RIMS2: variants seen among roughly 807,000 people sequenced by gnomAD.
The protein encoded by RIMS2 is regulating synaptic membrane exocytosis 2, also known as regulating synaptic membrane exocytosis protein 2.
Under a neutral mutation model 174.4 loss-of-function variants are expected in RIMS2, and 59 were observed. The observed-to-expected ratio is 0.34, with a 90% CI of 0.27 to 0.42. RIMS2 has a LOEUF of 0.42. RIMS2 is among the 10% of genes least tolerant of loss of function. The probability of loss-of-function intolerance (pLI) is 1.00; values close to 1 mark genes in which losing one functional copy is unlikely to be tolerated. For missense variants in RIMS2, 1,620 were observed against 1,666.3 expected, an observed-to-expected ratio of 0.97 and a Z score of 0.48; for synonymous variants, 606 against 572.5, an observed-to-expected ratio of 1.06 and a Z score of -0.84.
chr8:104,150,909 C>T (rs1011728407), intron 19 of RIMS2, among the ~76,000 whole-genome samples: 3 of 152,120 alleles, frequency 2.0e-5, no homozygotes, highest in Non-Finnish European at 4.4e-5. Flanking sequence ...TATCATTTGC[C>T]AGGGACTATC....
intron 3 of RIMS2, among the ~76,000 whole-genome samples, chr8:103,865,901 G>T (rs562954479): frequency 6.6e-6 from 1 of 151,904 alleles, no homozygotes; most frequent in Non-Finnish European, 1.5e-5. Flanking sequence ...TTGTATTATT[G>T]TGATAATGCA....
exon 24 of RIMS2, chr8:104,251,857 TAC>T: frequency 1.5e-5 from 10 of 673,514 alleles, no homozygotes; most frequent in Middle Eastern, 3.6e-4. Flanking sequence ...CAACCAGCGT[TAC>T]AAAAAAAAAA....
At chr8:104,083,239 CTT>C (rs2097460376) in intron 19 of RIMS2, among the ~76,000 whole-genome samples, 1 of 152,214 alleles carries the variant, frequency 6.6e-6, no homozygotes, top group Non-Finnish European at 1.5e-5. Context: ...AGCCTTGACT[CTT>C]TTCAGCACAA....
intron 14 of RIMS2, among the ~76,000 whole-genome samples, chr8:103,955,295 A>G (rs2086784720): frequency 6.6e-6 from 1 of 152,102 alleles, no homozygotes; most frequent in Admixed American, 6.6e-5. Flanking sequence ...GAGACACAAC[A>G]AAAAAAGACA....
chr8:104,014,184 T>C (rs1214707564), intron 18 of RIMS2, among the ~76,000 whole-genome samples: 5 of 152,136 alleles, frequency 3.3e-5, no homozygotes, highest in Non-Finnish European at 7.4e-5. Context: ...GAAAGAAAAG[T>C]ACTACCTTTT....
chr8:103,843,475 T>C (rs2098951908), intron 3 of RIMS2, among the ~76,000 whole-genome samples: 1 of 152,240 alleles, frequency 6.6e-6, no homozygotes, highest in Non-Finnish European at 1.5e-5. Flanking sequence ...CAGTGAATGC[T>C]TTCAGTAACT....
At chr8:104,173,864 A>G (rs2098847953) in intron 19 of RIMS2, among the ~76,000 whole-genome samples, 1 of 151,176 alleles carries the variant, frequency 6.6e-6, no homozygotes, top group Non-Finnish European at 1.5e-5. Flanking sequence ...TTAAAATTAA[A>G]TCTGATTCTA....
chr8:103,767,520 G>C (rs1286377816), intron 3 of RIMS2, among the ~76,000 whole-genome samples: 3 of 152,118 alleles, frequency 2.0e-5, no homozygotes, highest in African/African-American at 7.2e-5. Context: ...TTTGAATAAA[G>C]ATAAATTTAA....
chr8:103,563,598 C>T (rs1196164307), intron 1 of RIMS2, among the ~76,000 whole-genome samples: 1 of 152,152 alleles, frequency 6.6e-6, no homozygotes, highest in African/African-American at 2.4e-5. Context: ...TCTCCTGAGC[C>T]CTCCAAACTG....
chr8:103,667,066 C>T (rs1490278512), intron 1 of RIMS2, among the ~76,000 whole-genome samples: 1 of 152,126 alleles, frequency 6.6e-6, no homozygotes, highest in Admixed American at 6.6e-5. Context: ...TGGAGTATGC[C>T]TTAGCTGGGA....
chr8:103,989,514 T>A (rs2094556539), intron 17 of RIMS2, 93 bp downstream of exon 19: 1 of 618,634 alleles, frequency 1.6e-6, no homozygotes, highest in Non-Finnish European at 2.8e-6. Context: ...ATATTCCTTT[T>A]TCTTAGTTTC....
chr8:104,248,095 G>A (rs1299039318), intron 20 of RIMS2, among the ~76,000 whole-genome samples: 1 of 152,122 alleles, frequency 6.6e-6, no homozygotes, highest in Non-Finnish European at 1.5e-5. Context: ...CAAATGATCA[G>A]ATAATTTTAG....
rs145400971 is a variant in RIMS2 at position 103,857,875 on chromosome 8, T to TAGCC, written c.699-27422_699-27419dup. Among the ~76,000 whole-genome samples the TAGCC allele has an allele frequency of 1.0e-3, 155 of 152,322 alleles. 1 individual carries two copies. Among genetic ancestry groups the TAGCC allele is most frequent in the African/African-American group, 3.4e-3 (140 of 41,582 alleles). On this transcript the variant is annotated intron_variant, in intron 3 of 23. Coordinates refer to ENST00000504942, the Ensembl canonical transcript of RIMS2. ...CTCATCTTTTCATTGTAGCTTCAGGTAGCCTTGTGACTCCATTCTGGACAA... is the reference window on the plus strand; with the variant it reads ...CTCATCTTTTCATTGTAGCTTCAGGTAGCCAGCCTTGTGACTCCATTCTGGACAA...
At chr8:103,503,576 G>C (rs1821693299) in intron 1 of RIMS2, among the ~76,000 whole-genome samples, 1 of 151,828 alleles carries the variant, frequency 6.6e-6, no homozygotes, top group Non-Finnish European at 1.5e-5. Flanking sequence ...TGTATTTTAA[G>C]AGTAGAGAGA....
intron 4 of RIMS2, among the ~76,000 whole-genome samples, chr8:103,894,658 T>C (rs923562995): frequency 6.6e-6 from 1 of 151,586 alleles, no homozygotes; most frequent in Admixed American, 6.6e-5. Context: ...AACACTAACA[T>C]TGAACCCTAA....
chr8:103,568,823 A>C, intron 1 of RIMS2: 1 of 1,136,330 alleles, frequency 8.8e-7, no homozygotes. Context: ...GAAGCTGAGC[A>C]TATTCTTCTG....
At chr8:104,253,522 ATGC>A (rs2099363593), downstream of RIMS2, 1 of 152,162 alleles carries the variant, frequency 6.6e-6, no homozygotes, top group African/African-American at 2.4e-5. Flanking sequence ...TAGTTATTTG[ATGC>A]CATCACCAAA....
chr8:104,048,204 G>A (rs1328139772), intron 19 of RIMS2, among the ~76,000 whole-genome samples: 1 of 151,998 alleles, frequency 6.6e-6, no homozygotes, highest in Non-Finnish European at 1.5e-5. Flanking sequence ...AATATTAAAA[G>A]CCTTAACATC....
At chr8:103,696,862 CAAA>C (rs55852238) in intron 1 of RIMS2, among the ~76,000 whole-genome samples, 2 of 53,742 alleles carry the variant, frequency 3.7e-5, no homozygotes, top group South Asian at 7.5e-4. Context: ...GACTTCGTCT[CAAA>C]AAAAAAAAAA....
Sources: gnomAD v4.1 joint callset for allele counts (sites outside exome capture counted in the v4.1 genomes callset) on GRCh38, gnomAD v4.1.1 for gene constraint, MANE v1.5 for transcripts, NCBI Gene and HGNC (gene_info 2026-07-23, HGNC 2026-07-21) for gene names.